XIRP2: variants seen among roughly 807,000 people sequenced by gnomAD.
XIRP2 encodes xin actin binding repeat containing 2.
XIRP2 carries 236 observed loss-of-function variants against 277.0 expected under a neutral mutation model. That is an observed-to-expected ratio of 0.85 (90% CI 0.77 to 0.95). The LOEUF is 0.95. Among genes scored for constraint, XIRP2 ranks in the 40% least tolerant of loss-of-function variants. The pLI is 0.00. For missense variants in XIRP2, 4,640 were observed against 4,157.5 expected (o/e 1.12, Z -3.19); for synonymous variants, 1,490 against 1,416.5 (o/e 1.05, Z -1.17).
chr2:167,156,116 G>A (rs1189179702), intron 3 of XIRP2, among the ~76,000 whole-genome samples: 4 of 151,718 alleles, frequency 2.6e-5, no homozygotes, highest in Non-Finnish European at 4.4e-5. Flanking sequence ...ACAAAGGGAA[G>A]AACATTCCAT....
chr2:167,159,786 A>G (rs1176502259), intron 3 of XIRP2, among the ~76,000 whole-genome samples: 2 of 152,222 alleles, frequency 1.3e-5, no homozygotes, highest in Non-Finnish European at 2.9e-5. Context: ...ACTGGTACAT[A>G]TATGACACAA....
chr2:167,042,183 G>A (rs148608835), intron 2 of XIRP2, among the ~76,000 whole-genome samples: 136 of 152,260 alleles, frequency 8.9e-4, no homozygotes, highest in African/African-American at 3.1e-3. Context: ...ACAGTTCCTT[G>A]AGGGTGCGCT....
At chr2:166,896,602 A>C (rs969573002) in intron 1 of XIRP2, among the ~76,000 whole-genome samples, 2 of 152,072 alleles carry the variant, frequency 1.3e-5, no homozygotes, top group Non-Finnish European at 2.9e-5. Context: ...AGAGTCAAAA[A>C]GTTTTAAAAA....
chr2:167,189,520 T>C (rs1188566003), intron 3 of XIRP2, among the ~76,000 whole-genome samples: 1 of 152,196 alleles, frequency 6.6e-6, no homozygotes, highest in Non-Finnish European at 1.5e-5. Flanking sequence ...ACTTTGAAAT[T>C]TAATTAAATT....
rs1201418951 is a variant in XIRP2 at position 167,212,933 on chromosome 2, C to CA, written c.723+2046dup. Reference sequence around the variant, plus strand: ...CCTCTGCACACACACACACACACACCAAAAAAAATCATGAAAACTGCCTGT... The same window carrying CA: ...CCTCTGCACACACACACACACACACCAAAAAAAAATCATGAAAACTGCCTGT... On this transcript the variant is annotated intron_variant, in intron 4 of 10. Coordinates refer to ENST00000409195, the MANE Select transcript of XIRP2 (RefSeq NM_152381.6). 3.0e-5 allele frequency among the ~76,000 whole-genome samples: 4 copies of CA among 132,146 alleles called. No individual in the cohort carries two copies. In the South Asian group the frequency reaches 7.9e-4, roughly 26 times the overall value. 86.7% of individuals were successfully genotyped at this position (132,146 alleles called of 152,430 possible). A position where few individuals can be genotyped will look rare whatever the true frequency, so the allele number is the denominator to read the frequency against.
chr2:167,192,897 A>G (rs1294779956), intron 3 of XIRP2, among the ~76,000 whole-genome samples: 1 of 152,176 alleles, frequency 6.6e-6, no homozygotes, highest in Admixed American at 6.5e-5. Flanking sequence ...ACAGAACTTC[A>G]TTAGAGCCTT....
intron 2 of XIRP2, among the ~76,000 whole-genome samples, chr2:167,066,338 T>C (rs1220260905): frequency 6.6e-6 from 1 of 151,934 alleles, no homozygotes; most frequent in African/African-American, 2.4e-5. Flanking sequence ...GACATTTCTC[T>C]AAAGAAGACT....
chr2:167,218,416 A>G (rs73029727), intron 5 of XIRP2, 116 bp downstream of exon 5: 48,163 of 987,902 alleles, frequency 0.049, 1,361 homozygotes, highest in East Asian at 0.075. Context: ...CTCATTAACA[A>G]ACACTGTAGC....
At chr2:167,117,224 C>T (rs963478929) in intron 2 of XIRP2, among the ~76,000 whole-genome samples, 1 of 152,066 alleles carries the variant, frequency 6.6e-6, no homozygotes, top group Non-Finnish European at 1.5e-5. Context: ...GTTTCTTGGA[C>T]ATGTCCTACT....
At chr2:167,178,806 A>G (rs1304183142) in intron 3 of XIRP2, among the ~76,000 whole-genome samples, 4 of 152,084 alleles carry the variant, frequency 2.6e-5, no homozygotes, top group Non-Finnish European at 5.9e-5. Context: ...CGTTTTATAC[A>G]TATCTATTCG....
intron 2 of XIRP2, among the ~76,000 whole-genome samples, chr2:167,108,663 A>G (rs886852363): frequency 1.3e-5 from 2 of 152,126 alleles, no homozygotes; most frequent in Admixed American, 1.3e-4. Context: ...AGGAAAATAT[A>G]AAACTTAAGA....
chr2:166,997,982 T>C (rs1387778671), intron 2 of XIRP2, among the ~76,000 whole-genome samples: 2 of 152,118 alleles, frequency 1.3e-5, no homozygotes, highest in African/African-American at 4.8e-5. Context: ...TTGATTTCTA[T>C]ACATCACATA....
chr2:167,135,295 T>A (rs1218850871), intron 2 of XIRP2, among the ~76,000 whole-genome samples: 2 of 152,194 alleles, frequency 1.3e-5, no homozygotes, highest in East Asian at 3.9e-4. Context: ...CAATAAGGAA[T>A]GCTAGACTTT....
Position 167,249,604 on chromosome 2 carries a change from A to G in XIRP2, c.8212A>G (p.Ile2738Val). 1 of 1,613,674 alleles carries G rather than the reference A, an allele frequency of 6.2e-7. No homozygotes were observed. Among genetic ancestry groups the G allele is most frequent in the South Asian group, 1.1e-5 (1 of 91,074 alleles). Residue 2738 changes from isoleucine (I) to valine (V), a missense_variant, in exon 9 of 11, where the codon ATT (isoleucine) becomes GTT (valine). Physicochemically the swap from Ile to Val is conservative, Grantham distance 29. Transcript: ENST00000409195. Reference sequence around the variant, plus strand: ...TGAAAGTCATAAACAGCAATCTGAGATTGATGTTCAAACCTTTACCAAAAA... The same window carrying G: ...TGAAAGTCATAAACAGCAATCTGAGGTTGATGTTCAAACCTTTACCAAAAA... Reference protein sequence around the residue: ...SYESHKQQSEIDVQTFTKKQY... With the variant: ...SYESHKQQSEVDVQTFTKKQY...
intron 2 of XIRP2, among the ~76,000 whole-genome samples, chr2:166,955,897 C>T (rs533231299): frequency 3.3e-5 from 5 of 151,474 alleles, no homozygotes; most frequent in Admixed American, 2.6e-4. Context: ...TCTCTTATGT[C>T]AATAAATTTG....
At chr2:167,124,427 T>C (rs1309670189) in intron 2 of XIRP2, 1 of 152,206 alleles carries the variant, frequency 6.6e-6, no homozygotes, top group Non-Finnish European at 1.5e-5. Context: ...GTCTTCACCA[T>C]ATTTGGACAT....
chr2:167,151,921 C>G (rs1012699597), intron 3 of XIRP2, among the ~76,000 whole-genome samples: 1 of 151,970 alleles, frequency 6.6e-6, no homozygotes, highest in Non-Finnish European at 1.5e-5. Context: ...TTGAGCCTGG[C>G]AAGATGTTTT....
At chr2:166,948,620 T>G (rs937188760) in intron 2 of XIRP2, among the ~76,000 whole-genome samples, 4 of 152,094 alleles carry the variant, frequency 2.6e-5, no homozygotes, top group African/African-American at 9.6e-5. Flanking sequence ...CAGTTGCCTG[T>G]GTCTGTATTT....
Position 167,102,773 on chromosome 2 carries a change from A to G in XIRP2, c.409-33136A>G, listed in dbSNP as rs112029515. On this transcript the variant is annotated intron_variant, in intron 2 of 10. Coordinates refer to ENST00000409195, the MANE Select transcript of XIRP2 (RefSeq NM_152381.6). ...CATGGATTTATCAGTTTATAGTGTC[A>G]TATTTATTCCCCTAACTTCCTGTCT... Among the ~76,000 whole-genome samples, 550 of 152,286 alleles carry G rather than the reference A, an allele frequency of 3.6e-3. 8 individuals are homozygous for G. The highest frequency in any genetic ancestry group is 0.013 in the African/African-American group (526 of 41,564).
Sources: allele counts gnomAD v4.1 joint callset (sites outside exome capture counted in the v4.1 genomes callset), GRCh38; gene constraint gnomAD v4.1.1; transcripts MANE v1.5; gene names NCBI Gene and HGNC (gene_info 2026-07-23, HGNC 2026-07-21).